TMTC2: variants seen among roughly 807,000 people sequenced by gnomAD.
The protein encoded by TMTC2 is protein O-mannosyl-transferase TMTC2.
Under a neutral mutation model 82.4 loss-of-function variants are expected in TMTC2, and 43 were observed. That is an observed-to-expected ratio of 0.52 (90% confidence interval 0.41 to 0.67). TMTC2 has a LOEUF of 0.67. TMTC2 is among the 30% of genes least tolerant of loss of function. The pLI is 0.00. For missense variants in TMTC2, 919 were observed against 1,012.4 expected (o/e 0.91, Z 1.25); for synonymous variants, 408 against 381.9 (o/e 1.07, Z -0.80).
chr12:82,729,079 A>G (rs1874620441), intron 1 of TMTC2, among the ~76,000 whole-genome samples: 1 of 152,198 alleles, frequency 6.6e-6, no homozygotes, highest in Admixed American at 6.5e-5. Context: ...GCCCAGTCCC[A>G]TCGACCACCC....
intron 1 of TMTC2, among the ~76,000 whole-genome samples, chr12:82,716,334 A>G (rs368826110): frequency 1.3e-5 from 2 of 149,942 alleles, no homozygotes; most frequent in Non-Finnish European, 3.0e-5. Flanking sequence ...TTACTGGTAC[A>G]TTCACATTCG....
At chr12:82,717,665 T>C (rs1873964208) in intron 1 of TMTC2, among the ~76,000 whole-genome samples, 1 of 152,148 alleles carries the variant, frequency 6.6e-6, no homozygotes, top group Non-Finnish European at 1.5e-5. Flanking sequence ...TTATACAATA[T>C]ACTTTAAATT....
intron 2 of TMTC2, among the ~76,000 whole-genome samples, chr12:82,887,001 G>A (rs929472461): frequency 6.6e-6 from 1 of 152,140 alleles, no homozygotes; most frequent in Admixed American, 6.5e-5. Flanking sequence ...AATAGAAGGT[G>A]CTAGATTTTT....
intron 2 of TMTC2, among the ~76,000 whole-genome samples, chr12:82,878,164 C>G (rs1565789971): frequency 6.6e-6 from 1 of 152,192 alleles, no homozygotes; most frequent in Admixed American, 6.5e-5. Context: ...TTCTTCTGTG[C>G]CAGGTGCTGG....
chr12:83,099,358 T>C (rs1436828519), intron 11 of TMTC2, among the ~76,000 whole-genome samples: 2 of 152,094 alleles, frequency 1.3e-5, no homozygotes, highest in Non-Finnish European at 1.5e-5. Flanking sequence ...GTTTAATTTT[T>C]TTGTATAATA....
chr12:82,964,935 ATT>A, intron 4 of TMTC2, 87 bp from the exon 5 acceptor site: 2 of 786,418 alleles, frequency 2.5e-6, no homozygotes. Context: ...GCTGTTAACC[ATT>A]TTTATTTTTG....
intron 1 of TMTC2, chr12:82,760,857 T>C: frequency 2.4e-6 from 1 of 411,286 alleles, no homozygotes; most frequent in Non-Finnish European, 4.9e-6. Flanking sequence ...TGTCATTGTC[T>C]CCCCTCACCC....
intron 1 of TMTC2, among the ~76,000 whole-genome samples, chr12:82,772,928 G>T (rs1877385829): frequency 6.6e-6 from 1 of 152,094 alleles, no homozygotes. Context: ...ATGAAAAAAG[G>T]ATAATTATTA....
At chr12:82,962,781 G>A (rs2137298143) in intron 4 of TMTC2, among the ~76,000 whole-genome samples, 1 of 152,086 alleles carries the variant, frequency 6.6e-6, no homozygotes, top group South Asian at 2.1e-4. Flanking sequence ...TATGCATTAT[G>A]TCATGCAGAG....
chr12:82,997,362 ATATGTG>A (rs1325802906), intron 8 of TMTC2, among the ~76,000 whole-genome samples: 1 of 26,506 alleles, frequency 3.8e-5, no homozygotes, highest in African/African-American at 9.8e-5. Context: ...ATATATATAT[ATATGTG>A]TATATATATA....
At chr12:82,745,734 A>G (rs573798246) in intron 1 of TMTC2, among the ~76,000 whole-genome samples, 1 of 152,330 alleles carries the variant, frequency 6.6e-6, no homozygotes, top group South Asian at 2.1e-4. Context: ...TCAAAAAAAT[A>G]CCATTGTGCT....
rs1872357441 is a variant in TMTC2 at position 82,687,296 on chromosome 12, C to T, written c.-291C>T. 10 of 500,664 alleles carry T rather than the reference C, an allele frequency of 2.0e-5. No homozygotes were observed. The South Asian group carries it at 2.1e-4, about 11-fold the overall frequency. 31.0% of individuals were successfully genotyped at this position (500,664 alleles called of 1,614,324 possible). A position where few individuals can be genotyped will look rare whatever the true frequency, so the allele number is the denominator to read the frequency against. On this transcript the variant is annotated 5_prime_UTR_variant, in exon 1 of 12. Transcript: ENST00000321196. ...ACCCGCGCGAAAGACCAGCCCTGCGCTTCCGCCGGGGGACGCGGAGCCCAA... is the reference window on the plus strand; with the variant it reads ...ACCCGCGCGAAAGACCAGCCCTGCGTTTCCGCCGGGGGACGCGGAGCCCAA...
intron 2 of TMTC2, among the ~76,000 whole-genome samples, chr12:82,887,144 T>C (rs1873143906): frequency 6.6e-6 from 1 of 152,224 alleles, no homozygotes; most frequent in Non-Finnish European, 1.5e-5. Flanking sequence ...AAGTAATTTA[T>C]TCTCGTTAGT....
At chr12:82,891,904 C>T (rs557811082) in intron 2 of TMTC2, among the ~76,000 whole-genome samples, 1 of 151,930 alleles carries the variant, frequency 6.6e-6, no homozygotes, top group Admixed American at 6.6e-5. Context: ...GGTAACATGG[C>T]AAAACACCAT....
At chr12:82,935,087 G>C (rs147379098) in intron 4 of TMTC2, among the ~76,000 whole-genome samples, 1 of 152,074 alleles carries the variant, frequency 6.6e-6, no homozygotes, top group Non-Finnish European at 1.5e-5. Context: ...TTTAGTAACT[G>C]TTAGTGAGTT....
intron 1 of TMTC2, among the ~76,000 whole-genome samples, chr12:82,807,660 C>G (rs1471196018): frequency 1.3e-5 from 2 of 151,992 alleles, no homozygotes; most frequent in Non-Finnish European, 2.9e-5. Context: ...AATGAGGAAG[C>G]ATCATGTGAG....
At chr12:82,811,068 A>G (rs1219383284) in intron 1 of TMTC2, among the ~76,000 whole-genome samples, 1 of 151,860 alleles carries the variant, frequency 6.6e-6, no homozygotes, top group Non-Finnish European at 1.5e-5. Context: ...CATCTCTACT[A>G]AAAATACAAA....
intron 1 of TMTC2, among the ~76,000 whole-genome samples, chr12:82,709,825 A>G (rs1873541312): frequency 6.6e-6 from 1 of 152,254 alleles, no homozygotes; most frequent in South Asian, 2.1e-4. Flanking sequence ...AATGTGTAAT[A>G]TTCATGCATT....
chr12:82,754,363 C>T (rs920398698), intron 1 of TMTC2, among the ~76,000 whole-genome samples: 6 of 152,108 alleles, frequency 3.9e-5, no homozygotes, highest in South Asian at 4.1e-4. Context: ...AGTATAATAG[C>T]TATGTTCTGC....
Sources: gnomAD v4.1 joint callset for allele counts (sites outside exome capture counted in the v4.1 genomes callset) on GRCh38, gnomAD v4.1.1 for gene constraint, MANE v1.5 for transcripts, NCBI Gene and HGNC (gene_info 2026-07-23, HGNC 2026-07-21) for gene names.